The following ZFYVE28 variants were observed in gnomAD, a reference collection of about 807,000 sequenced individuals.
ZFYVE28 encodes the protein lateral signaling target protein 2 homolog.
In ZFYVE28, 40 loss-of-function variants were observed where a neutral mutation model predicts 82.1. The observed-to-expected ratio is 0.49, with a 90% CI of 0.38 to 0.63. The LOEUF (loss-of-function observed/expected upper bound fraction) is 0.63. Among genes scored for constraint, ZFYVE28 ranks in the 30% least tolerant of loss-of-function variants. ZFYVE28 has a pLI of 0.00. For missense variants in ZFYVE28, 1,321 were observed against 1,242.1 expected (o/e 1.06, Z -0.96); for synonymous variants, 612 against 546.1 (o/e 1.12, Z -1.68).
chr4:2,366,728 C>A (rs987645125), intron 1 of ZFYVE28, among the ~76,000 whole-genome samples: 7 of 152,190 alleles, frequency 4.6e-5, no homozygotes, highest in Admixed American at 4.6e-4. Context: ...TGGAAACAGA[C>A]CCCCTCCCAC....
chr4:2,307,430 T>C (rs1716751497), intron 7 of ZFYVE28, among the ~76,000 whole-genome samples: 1 of 152,294 alleles, frequency 6.6e-6, no homozygotes, highest in East Asian at 1.9e-4. Flanking sequence ...TTGTGTCCTG[T>C]TTAAGAAATC....
At chr4:2,295,754 C>G (rs748421339) in intron 8 of ZFYVE28, 1 of 152,440 alleles carries the variant, frequency 6.6e-6, no homozygotes, top group Non-Finnish European at 1.5e-5. Flanking sequence ...GGAGGCCTCC[C>G]CAGATTGCTC....
At chr4:2,329,473 G>A (rs745390990) in intron 6 of ZFYVE28, among the ~76,000 whole-genome samples, 88 of 152,248 alleles carry the variant, frequency 5.8e-4, no homozygotes, top group Non-Finnish European at 1.1e-3. Context: ...CTACAACATG[G>A]GGGAAACTTG....
intron 8 of ZFYVE28, among the ~76,000 whole-genome samples, chr4:2,279,749 C>T (rs1711698495): frequency 6.6e-6 from 1 of 151,436 alleles, no homozygotes; most frequent in Non-Finnish European, 1.5e-5. Context: ...CCACTGCACT[C>T]CAGCCTGACA....
At chr4:2,321,511 G>A (rs756944064) in intron 6 of ZFYVE28, among the ~76,000 whole-genome samples, 1 of 152,222 alleles carries the variant, frequency 6.6e-6, no homozygotes, top group Admixed American at 6.5e-5. Context: ...ACCACCTGTG[G>A]GTGAGGGGAC....
chr4:2,321,872 G>GC (rs1719128363), intron 6 of ZFYVE28, among the ~76,000 whole-genome samples: 1 of 152,078 alleles, frequency 6.6e-6, no homozygotes, highest in Admixed American at 6.5e-5. Flanking sequence ...GGACCCAGCT[G>GC]CCCCCCAGGG....
intron 1 of ZFYVE28, among the ~76,000 whole-genome samples, chr4:2,365,348 G>A (rs1161137596): frequency 6.6e-6 from 1 of 150,706 alleles, no homozygotes. Context: ...GGGCCCGCAC[G>A]TGCACTCACA....
At chr4:2,340,614 T>A (rs1234095406) in intron 3 of ZFYVE28, among the ~76,000 whole-genome samples, 1 of 152,154 alleles carries the variant, frequency 6.6e-6, no homozygotes, top group African/African-American at 2.4e-5. Context: ...TGCCCACCCC[T>A]GTGCATGCAT....
intron 1 of ZFYVE28, among the ~76,000 whole-genome samples, chr4:2,389,975 T>C (rs562060809): frequency 6.6e-5 from 10 of 152,246 alleles, no homozygotes; most frequent in African/African-American, 9.6e-5. Flanking sequence ...CAGAATGCTA[T>C]TGTGGGTTGA....
chr4:2,340,691 G>A lies in ZFYVE28; in HGVS notation c.318+787C>T, dbSNP rs930027225. Among the ~76,000 whole-genome samples the A allele has an allele frequency of 1.1e-4, 17 of 152,292 alleles. 2 individuals carry two copies. The highest frequency in any genetic ancestry group is 7.4e-5 in the Non-Finnish European group (5 of 68,016). ...ATGACTGCCCCAGGACCCACTCCAC[G>A]GAGGTGGAAACTGAGGCTGGGGAGG... On this transcript the variant is annotated intron_variant, in intron 3 of 12. Coordinates refer to ENST00000290974, the MANE Select transcript of ZFYVE28 (RefSeq NM_020972.3).
intron 7 of ZFYVE28, among the ~76,000 whole-genome samples, chr4:2,313,950 T>C (rs1717857585): frequency 1.3e-5 from 2 of 152,320 alleles, no homozygotes; most frequent in Non-Finnish European, 1.5e-5. Flanking sequence ...TGAGATTTCT[T>C]ACATTCTCAA....
rs1421696672 is a variant in ZFYVE28, at chr4:2,418,328, G to A, written c.-5C>T. The A allele has an allele frequency of 2.6e-6, 4 of 1,518,962 alleles. No individual in the cohort carries two copies. Among genetic ancestry groups the A allele is most frequent in the Non-Finnish European group, 3.5e-6 (4 of 1,131,590 alleles). The allele number at this position is 1,518,962 out of a possible 1,614,324, so 94.1% of individuals were successfully genotyped here. A position where few individuals can be genotyped will look rare whatever the true frequency, so the allele number is the denominator to read the frequency against. ...CTTTCGGAACCTGTTCATCATCGCC[G>A]CGCCGGCCCTGGCCGGACTCCGGGC... On this transcript the variant is annotated 5_prime_UTR_variant, in exon 1 of 13. Transcript: ENST00000290974. The surrounding 1 kb of genome is among the most constrained non-coding windows in gnomAD (Gnocchi z 4.6).
intron 9 of ZFYVE28, among the ~76,000 whole-genome samples, chr4:2,273,822 C>T (rs1360862469): frequency 6.6e-6 from 1 of 152,166 alleles, no homozygotes; most frequent in Admixed American, 6.5e-5. Context: ...CCACTGCCCC[C>T]GCCGCCACTC....
At chr4:2,272,432 G>A (rs1461111364) in intron 10 of ZFYVE28, among the ~76,000 whole-genome samples, 4 of 152,194 alleles carry the variant, frequency 2.6e-5, no homozygotes, top group African/African-American at 7.2e-5. Context: ...CAGGGACCGA[G>A]GGCCAGACTC....
rs890067522 is a variant in ZFYVE28, at chr4:2,277,808, CCT to C, written c.2052-3594_2052-3593del. On this transcript the variant is annotated intron_variant, in intron 8 of 12. Transcript: ENST00000290974. ...GCAATCCATACGAAAGTGCCAACTG[CCT>C]TTTTTTCTTGCAAAAATGGACAATA... Among the ~76,000 whole-genome samples, 5 of 152,276 alleles carry C rather than the reference CCT, an allele frequency of 3.3e-5. No homozygotes were observed. In the Middle Eastern group the frequency reaches 0.01, roughly 311 times the overall value.
chr4:2,336,927 G>A (rs2108856756), intron 5 of ZFYVE28, among the ~76,000 whole-genome samples: 1 of 38,588 alleles, frequency 2.6e-5, no homozygotes, highest in African/African-American at 1.5e-4. Flanking sequence ...GTGAGGAGGT[G>A]AGTGAGGAGG....
chr4:2,309,095 G>C (rs1454366546), intron 7 of ZFYVE28, among the ~76,000 whole-genome samples: 5 of 152,200 alleles, frequency 3.3e-5, no homozygotes, highest in Non-Finnish European at 7.3e-5. Flanking sequence ...GGTGTTTAGA[G>C]GTGGTGTCTT....
At chr4:2,342,668 A>C (rs564083428) in intron 2 of ZFYVE28, 2 of 152,356 alleles carry the variant, frequency 1.3e-5, no homozygotes, top group East Asian at 1.9e-4. Context: ...GAGGGAGAAG[A>C]AGCCCATTTT....
In ZFYVE28 at chr4:2,301,052, G is replaced by A. The variant is rs148066289; in HGVS notation, c.2051+3237C>T. Among the ~76,000 whole-genome samples, 6 of 152,260 alleles carry A rather than the reference G, an allele frequency of 3.9e-5. No individual in the cohort carries two copies. In the East Asian group the frequency reaches 5.8e-4, roughly 15 times the overall value. On this transcript the variant is annotated intron_variant, in intron 8 of 12. Transcript: ENST00000290974. ...TAACACCAGCCATGCTTCCTGACAC[G>A]GGGCTGTTTGAATTTGGGTGAACTT...
Sources: gnomAD v4.1 joint callset for allele counts (sites outside exome capture counted in the v4.1 genomes callset) on GRCh38, gnomAD v4.1.1 for gene constraint, Gnocchi (gnomAD v3.1) non-coding constraint, MANE v1.5 for transcripts, NCBI Gene and HGNC (gene_info 2026-07-23, HGNC 2026-07-21) for gene names.